The following ZWILCH variants were observed in gnomAD, a reference collection of about 807,000 sequenced individuals.
ZWILCH encodes zwilch kinetochore protein.
ZWILCH carries 74 observed loss-of-function variants against 79.9 expected under a neutral mutation model. The ratio of observed to expected loss-of-function variants is 0.93; its 90% CI spans 0.77 to 1.12. The LOEUF (loss-of-function observed/expected upper bound fraction) is 1.12. Among genes scored for constraint, ZWILCH ranks in the 50% most tolerant of loss-of-function variants. The pLI is 0.00. For synonymous variants in ZWILCH, 241 were observed against 228.2 expected (o/e 1.06, Z -0.51); for missense variants, 694 against 687.5 (o/e 1.01, Z -0.11).
chr15:66,506,039 G>A (rs1156402066), intron 1 of ZWILCH, among the ~76,000 whole-genome samples: 1 of 152,134 alleles, frequency 6.6e-6, no homozygotes, highest in Non-Finnish European at 1.5e-5. Context: ...CACTTCCAGG[G>A]TTTCTGATTT....
intron 8 of ZWILCH, among the ~76,000 whole-genome samples, chr15:66,526,038 A>G (rs939960184): frequency 4.6e-5 from 7 of 152,166 alleles, no homozygotes; most frequent in Admixed American, 2.0e-4. Flanking sequence ...TGCTGGGATT[A>G]CAGGCATGAG....
intron 5 of ZWILCH, 57 bp from the exon 6 acceptor site, chr15:66,520,533 C>T: frequency 1.1e-6 from 1 of 879,234 alleles, no homozygotes; most frequent in Non-Finnish European, 1.9e-6. Context: ...AGTTTTGTAG[C>T]TCTGACAATG....
At chr15:66,537,848 T>A (rs1376051403) in intron 16 of ZWILCH, among the ~76,000 whole-genome samples, 1 of 152,226 alleles carries the variant, frequency 6.6e-6, no homozygotes, top group Admixed American at 6.5e-5. Flanking sequence ...GACCATAGTC[T>A]GAGAGAGTTC....
In ZWILCH at chr15:66,523,673, T is replaced by G. The variant is rs1894580819; in HGVS notation, c.748-4T>G. The G allele has an allele frequency of 6.2e-7, 1 of 1,608,172 alleles. No individual in the cohort carries two copies. Among genetic ancestry groups the G allele is most frequent in the Admixed American group, 1.7e-5 (1 of 59,570 alleles). ...AAAACTGACAGACTTTGGAAACTTTTTAGAATATTAAAGTGGAATCAGGAG... is the reference window on the plus strand; with the variant it reads ...AAAACTGACAGACTTTGGAAACTTTGTAGAATATTAAAGTGGAATCAGGAG... On this transcript the variant is annotated splice_region_variant and splice_polypyrimidine_tract_variant and intron_variant, in intron 7 of 18. Transcript: ENST00000307897.
chr15:66,505,519 G>GAA, intron 1 of ZWILCH, 128 bp downstream of exon 1: 5 of 1,125,580 alleles, frequency 4.4e-6, no homozygotes, highest in African/African-American at 1.6e-5. Flanking sequence ...TGGGGTCCAG[G>GAA]AGTTGGGGAG....
At chr15:66,514,208 G>C (rs1351264768) in intron 3 of ZWILCH, 125 bp downstream of exon 3, 2 of 591,364 alleles carry the variant, frequency 3.4e-6, no homozygotes, top group Middle Eastern at 4.8e-4. Context: ...TCTTTTAGGA[G>C]TAAGTGTAGT....
rs569186982 is a variant in ZWILCH, at chr15:66,526,325, T to G, written c.820-965T>G. 2.6e-5 allele frequency among the ~76,000 whole-genome samples: 4 copies of G among 152,250 alleles called. No individual in the cohort carries two copies. The East Asian group carries it at 7.7e-4, about 29-fold the overall frequency. ...CTATTTCCCGCTGCTTCATAGTCGC[T>G]TTTTCTACCCTGGTTGGGATCACAC... On this transcript the variant is annotated intron_variant, in intron 8 of 18. Transcript: ENST00000307897.
chr15:66,544,724 T>TTGTGTGTGTGTG (rs1555426547), intron 17 of ZWILCH, among the ~76,000 whole-genome samples: 4,459 of 128,498 alleles, frequency 0.035, 132 homozygotes, highest in East Asian at 0.14. Context: ...TTTTTGGTTT[T>TTGTGTGTGTGTG]TGTGTGTGTG....
intron 13 of ZWILCH, 119 bp from the exon 14 acceptor site, chr15:66,532,866 A>G: frequency 5.8e-6 from 4 of 688,004 alleles, no homozygotes; most frequent in Non-Finnish European, 8.6e-6. Flanking sequence ...ATTTATATAG[A>G]TTCCTTAATA....
intron 17 of ZWILCH, among the ~76,000 whole-genome samples, chr15:66,545,244 C>T (rs186583216): frequency 0.032 from 4,829 of 152,026 alleles, 114 homozygotes; most frequent in Non-Finnish European, 0.051. Flanking sequence ...ATCCCAGCTA[C>T]TCAGGAGGCT....
At chr15:66,545,222 C>T (rs551464366) in intron 17 of ZWILCH, among the ~76,000 whole-genome samples, 14 of 151,690 alleles carry the variant, frequency 9.2e-5, no homozygotes, top group African/African-American at 1.4e-4. Flanking sequence ...GGCATGGTGG[C>T]GGGTGCCTGT....
chr15:66,509,537 G>A (rs944342194), intron 2 of ZWILCH, among the ~76,000 whole-genome samples: 5 of 151,992 alleles, frequency 3.3e-5, no homozygotes, highest in Non-Finnish European at 7.4e-5. Flanking sequence ...CCATTGTATG[G>A]ATGTACCATA....
At chr15:66,510,210 A>AAATAAAATAAAATAAAATAG (rs1894004853) in intron 2 of ZWILCH, among the ~76,000 whole-genome samples, 1 of 147,948 alleles carries the variant, frequency 6.8e-6, no homozygotes, top group Non-Finnish European at 1.5e-5. Context: ...AAAATAAATA[A>AAATAAAATAAAATAAAATAG]AATAAAATAA....
chr15:66,544,126 G>T (rs769192768), intron 17 of ZWILCH, among the ~76,000 whole-genome samples: 1 of 151,618 alleles, frequency 6.6e-6, no homozygotes, highest in Non-Finnish European at 1.5e-5. Flanking sequence ...GCATGGTGGC[G>T]CATGCCTGTA....
intron 5 of ZWILCH, among the ~76,000 whole-genome samples, chr15:66,519,600 C>T (rs1001108059): frequency 1.3e-5 from 2 of 151,968 alleles, no homozygotes; most frequent in Admixed American, 6.6e-5. Flanking sequence ...ATTACAGGCA[C>T]CTGCCACCAC....
chr15:66,529,646 C>A, intron 12 of ZWILCH, 73 bp downstream of exon 12: 4 of 1,166,278 alleles, frequency 3.4e-6, no homozygotes, highest in South Asian at 2.6e-5. Flanking sequence ...GCTCTGAAGC[C>A]AACTGCCTGA....
chr15:66,508,937 G>A, intron 2 of ZWILCH, 45 bp downstream of exon 2: 1 of 1,600,690 alleles, frequency 6.2e-7, no homozygotes, highest in Middle Eastern at 1.7e-4. Flanking sequence ...TCCTAAAATT[G>A]TCTGTTTTTA....
intron 4 of ZWILCH, 31 bp downstream of exon 4, chr15:66,515,675 G>A (rs1267366655): frequency 7.0e-7 from 1 of 1,420,548 alleles, no homozygotes; most frequent in Non-Finnish European, 9.9e-7. Context: ...AGTAGGGGTG[G>A]CAACTAGGAT....
intron 16 of ZWILCH, among the ~76,000 whole-genome samples, chr15:66,539,116 A>G (rs1187263406): frequency 1.3e-5 from 2 of 152,012 alleles, no homozygotes; most frequent in Non-Finnish European, 2.9e-5. Context: ...TTGTCTCTCA[A>G]ATCACCATCA....
Sources: allele counts gnomAD v4.1 joint callset (sites outside exome capture counted in the v4.1 genomes callset), GRCh38; gene constraint gnomAD v4.1.1; transcripts MANE v1.5; gene names NCBI Gene and HGNC (gene_info 2026-07-23, HGNC 2026-07-21).